RASSF2: variants seen among roughly 807,000 people sequenced by gnomAD.
RASSF2 encodes the protein ras association domain-containing protein 2.
Under a neutral mutation model 46.3 loss-of-function variants are expected in RASSF2, and 34 were observed. The ratio of observed to expected loss-of-function variants is 0.73; its 90% CI spans 0.56 to 0.98. RASSF2 has a LOEUF of 0.98. RASSF2 is among the 50% of genes least tolerant of loss of function. The pLI is 0.00. For missense variants in RASSF2, 364 were observed against 431.2 expected (o/e 0.84, Z 1.38); for synonymous variants, 158 against 162.5 (o/e 0.97, Z 0.21).
At position 4,795,034 on chromosome 20, in the gene RASSF2, C is replaced by A. The variant is rs1206592377; in HGVS notation, c.287+781G>T. On this transcript the variant is annotated intron_variant, in intron 5 of 11. Coordinates refer to ENST00000379400, the MANE Select transcript of RASSF2 (RefSeq NM_014737.3). The surrounding 1 kb of genome is among the most constrained non-coding windows in gnomAD (Gnocchi z 4.0). Reference sequence around the variant, plus strand: ...GGCTGAGAGGCGAGCACACTCCACCCAGGCTGGGGCCGAAGGCAGTCAGCA... The same window carrying A: ...GGCTGAGAGGCGAGCACACTCCACCAAGGCTGGGGCCGAAGGCAGTCAGCA... Among the ~76,000 whole-genome samples, 1 of 152,226 alleles carries A rather than the reference C, an allele frequency of 6.6e-6. No homozygotes were observed.
At chr20:4,805,784 C>T (rs1927297044) in intron 2 of RASSF2, among the ~76,000 whole-genome samples, 2 of 152,190 alleles carry the variant, frequency 1.3e-5, no homozygotes, top group Non-Finnish European at 2.9e-5. Context: ...GTGGAAAGCA[C>T]ACCCTTTGGG....
Position 4,790,626 on chromosome 20 carries a change from G to C in RASSF2, c.377-15C>G. On this transcript the variant is annotated splice_polypyrimidine_tract_variant and intron_variant, in intron 6 of 11. Transcript: ENST00000379400. This position sits in a 1 kb window ranked among gnomAD's most constrained non-coding sequence, Gnocchi z 4.3. ...GCCCCTGGAGTCTGAGAGAGGAGAG[G>C]GAAATGAACTCTGTCTGTCTGGACC... 6.6e-7 allele frequency: 1 copy of C among 1,513,366 alleles called. No homozygotes were observed. Among genetic ancestry groups the C allele is most frequent in the South Asian group, 1.4e-5 (1 of 73,970 alleles). The allele number at this position is 1,513,366 out of a possible 1,614,324, so 93.7% of individuals were successfully genotyped here. A position where few individuals can be genotyped will look rare whatever the true frequency, so the allele number is the denominator to read the frequency against.
intron 6 of RASSF2, among the ~76,000 whole-genome samples, chr20:4,792,021 C>T (rs369784654): frequency 1.3e-5 from 2 of 152,036 alleles, no homozygotes; most frequent in Non-Finnish European, 1.5e-5. Context: ...GAGGCTGAGG[C>T]GGGCAGATCA....
chr20:4,805,172 T>C (rs927445591), intron 2 of RASSF2, among the ~76,000 whole-genome samples: 2 of 152,156 alleles, frequency 1.3e-5, no homozygotes. Flanking sequence ...AATTACCTTA[T>C]ATGGTAACAG....
chr20:4,815,352 A>G (rs73593111), intron 2 of RASSF2, among the ~76,000 whole-genome samples: 3,705 of 151,502 alleles, frequency 0.024, 140 homozygotes, highest in African/African-American at 0.084. Context: ...AAGACCCTAC[A>G]CGGCACTTTA....
At chr20:4,803,749 G>A (rs1002229906) in intron 2 of RASSF2, among the ~76,000 whole-genome samples, 1 of 146,446 alleles carries the variant, frequency 6.8e-6, no homozygotes, top group Non-Finnish European at 1.5e-5. Flanking sequence ...AGAGTAAGAC[G>A]TTGTCTCTTA....
At chr20:4,785,830 C>T (rs1432315359) in intron 11 of RASSF2, among the ~76,000 whole-genome samples, 1 of 152,186 alleles carries the variant, frequency 6.6e-6, no homozygotes, top group Non-Finnish European at 1.5e-5. Context: ...CTTCTTCAAA[C>T]ACCCGTCAAA....
chr20:4,817,188 AGTAT>A (rs1259509359), intron 2 of RASSF2, among the ~76,000 whole-genome samples: 1 of 152,246 alleles, frequency 6.6e-6, no homozygotes, highest in African/African-American at 2.4e-5. Context: ...GGTATTCCAA[AGTAT>A]AGACATGCCA....
chr20:4,821,580 CT>C (rs959196773), intron 2 of RASSF2, among the ~76,000 whole-genome samples: 15 of 152,176 alleles, frequency 9.9e-5, no homozygotes, highest in African/African-American at 3.4e-4. Context: ...CACCCCAACA[CT>C]TACCATATGT....
chr20:4,803,829 A>G (rs1927105257), intron 2 of RASSF2, among the ~76,000 whole-genome samples: 2 of 149,858 alleles, frequency 1.3e-5, no homozygotes, highest in South Asian at 4.2e-4. Flanking sequence ...GAAGCCGAGG[A>G]GGGAGGATCG....
rs201205706 is a variant in RASSF2, at chr20:4,790,638, T to C, written c.377-27A>G. The C allele has an allele frequency of 9.3e-6, 14 of 1,509,960 alleles. No homozygotes were observed. Among genetic ancestry groups the C allele is most frequent in the Non-Finnish European group, 1.2e-5 (14 of 1,141,358 alleles). 93.5% of individuals were successfully genotyped at this position (1,509,960 alleles called of 1,614,324 possible). A position where few individuals can be genotyped will look rare whatever the true frequency, so the allele number is the denominator to read the frequency against. On this transcript the variant is annotated intron_variant, in intron 6 of 11. Coordinates refer to ENST00000379400, the MANE Select transcript of RASSF2 (RefSeq NM_014737.3). The surrounding 1 kb of genome is among the most constrained non-coding windows in gnomAD (Gnocchi z 4.3). ...TGAGAGAGGAGAGGGAAATGAACTC[T>C]GTCTGTCTGGACCTGGGACATGGCA...
chr20:4,786,296 T>C lies in RASSF2; in HGVS notation c.846A>G (p.Val282=), dbSNP rs1315302413. The change falls in exon 11 of 12, where the codon GTA becomes GTG. Residue 282 remains valine (V), a synonymous_variant. Coordinates refer to ENST00000379400, the MANE Select transcript of RASSF2 (RefSeq NM_014737.3). ...GGAGCTTCTGAATGAAGCTTTTAAG[T>C]ACCGGCATCTCGAACTTTATATACT... ...VAQYIKFEMP[V]LKSFIQKLQE... The C allele has an allele frequency of 6.2e-7, 1 of 1,613,064 alleles. No individual in the cohort carries two copies. The highest frequency in any genetic ancestry group is 1.1e-5 in the South Asian group (1 of 91,070).
chr20:4,781,143 A>C lies in RASSF2; in HGVS notation c.*3130T>G, dbSNP rs1021906006. On this transcript the variant is annotated 3_prime_UTR_variant, in exon 12 of 12. Coordinates refer to ENST00000379400, the MANE Select transcript of RASSF2 (RefSeq NM_014737.3). ...GAGAGCTTCTTGCTCTTCTGTGGCC[A>C]ATTTCTTCACTCTCCTGACACTTTG... The C allele has an allele frequency of 6.6e-6, 1 of 151,920 alleles. No homozygotes were observed. The highest frequency in any genetic ancestry group is 6.6e-5 in the Admixed American group (1 of 15,262). The allele number at this position is 151,920 out of a possible 1,614,324, so 9.4% of individuals were successfully genotyped here.
At chr20:4,796,994 T>C (rs1201764344) in intron 4 of RASSF2, among the ~76,000 whole-genome samples, 1 of 152,110 alleles carries the variant, frequency 6.6e-6, no homozygotes, top group Non-Finnish European at 1.5e-5. Context: ...CATCAGCCCA[T>C]TGAGCAACTA....
At position 4,792,641 on chromosome 20, in the gene RASSF2, A is replaced by T. The variant is rs1459626947; in HGVS notation, c.288-14T>A. ...TTCAGAGTGGTTCTGGGAGTGGAGA[A>T]GACAAAGGGGAGGGGGGAGACTAGT... On this transcript the variant is annotated splice_polypyrimidine_tract_variant and intron_variant, in intron 5 of 11. Transcript: ENST00000379400. 2 of 1,612,712 alleles carry T rather than the reference A, an allele frequency of 1.2e-6. No individual in the cohort carries two copies. The highest frequency in any genetic ancestry group is 3.3e-5 in the Admixed American group (2 of 59,880).
chr20:4,799,179 A>G (rs12625096), intron 3 of RASSF2, among the ~76,000 whole-genome samples: 1,760 of 152,278 alleles, frequency 0.012, 98 homozygotes, highest in East Asian at 0.11. Flanking sequence ...ATTAAAAAAT[A>G]AAAACCCTTA....
chr20:4,801,107 C>G, intron 2 of RASSF2, 45 bp from the exon 3 acceptor site: 1 of 1,513,080 alleles, frequency 6.6e-7, no homozygotes, highest in South Asian at 1.1e-5. Flanking sequence ...AAGTTGTGTG[C>G]TTGGGAACTC....
At chr20:4,816,433 T>C (rs962812248) in intron 2 of RASSF2, among the ~76,000 whole-genome samples, 4 of 152,172 alleles carry the variant, frequency 2.6e-5, no homozygotes, top group African/African-American at 9.7e-5. Context: ...GTAAGTAGAC[T>C]AGAAGCTACC....
At chr20:4,813,544 A>G (rs115710634) in intron 2 of RASSF2, among the ~76,000 whole-genome samples, 3,074 of 152,312 alleles carry the variant, frequency 0.02, 92 homozygotes, top group African/African-American at 0.07. Flanking sequence ...GGCCTCGCAG[A>G]CCGGAGGAGC....
Sources: gnomAD v4.1 joint callset for allele counts (sites outside exome capture counted in the v4.1 genomes callset) on GRCh38, gnomAD v4.1.1 for gene constraint, Gnocchi (gnomAD v3.1) non-coding constraint, MANE v1.5 for transcripts, NCBI Gene and HGNC (gene_info 2026-07-23, HGNC 2026-07-21) for gene names.